Variants in PDE4D observed in about 807,000 individuals in gnomAD.
PDE4D encodes the protein 3',5'-cyclic-AMP phosphodiesterase 4D.
Under a neutral mutation model 87.4 loss-of-function variants are expected in PDE4D, and 24 were observed. That is an observed-to-expected ratio of 0.27 (90% CI 0.20 to 0.39). The LOEUF (loss-of-function observed/expected upper bound fraction) is 0.39, where lower values mean the gene tolerates loss of function less well. PDE4D is among the 10% of genes least tolerant of loss of function. The probability of loss-of-function intolerance (pLI) is 1.00; values close to 1 mark genes in which losing one functional copy is unlikely to be tolerated. For synonymous variants in PDE4D, 384 were observed against 383.2 expected (o/e 1.00, Z -0.02); for missense variants, 714 against 1,041.0 (o/e 0.69, Z 4.32).
chr5:59,235,874 T>TA (rs1272731204), intron 1 of PDE4D, among the ~76,000 whole-genome samples: 15 of 152,296 alleles, frequency 9.8e-5, no homozygotes, highest in Middle Eastern at 6.8e-3. Context: ...TGTTAATACT[T>TA]AGAGGGAGAT....
intron 6 of PDE4D, among the ~76,000 whole-genome samples, chr5:59,006,833 G>A (rs1411445253): frequency 1.3e-5 from 2 of 152,110 alleles, no homozygotes; most frequent in East Asian, 1.9e-4. Context: ...TGTAACAGAG[G>A]TCAAGAGAGA....
chr5:59,014,793 A>C (rs943158274), intron 6 of PDE4D, among the ~76,000 whole-genome samples: 2 of 152,222 alleles, frequency 1.3e-5, no homozygotes, highest in African/African-American at 4.8e-5. Flanking sequence ...ATATGGAACC[A>C]AAAAAGAGCC....
At chr5:60,323,751 T>A (rs1463927948) in intron 1 of PDE4D, among the ~76,000 whole-genome samples, 1 of 151,768 alleles carries the variant, frequency 6.6e-6, no homozygotes, top group Non-Finnish European at 1.5e-5. Flanking sequence ...ATTAGCATGA[T>A]TACCACCCTC....
intron 1 of PDE4D, among the ~76,000 whole-genome samples, chr5:59,603,249 T>A: frequency 6.6e-6 from 1 of 151,952 alleles, no homozygotes; most frequent in South Asian, 2.1e-4. Context: ...TTACAAGCTA[T>A]ACCTCTAATA....
rs148586142 is a variant in PDE4D, at chr5:60,216,414, A to C, written c.-89-30727T>G. 3.5e-3 allele frequency among the ~76,000 whole-genome samples: 526 copies of C among 152,220 alleles called. 1 individual carries two copies. The highest frequency in any genetic ancestry group is 0.012 in the African/African-American group (508 of 41,554). On this transcript the variant is annotated intron_variant, in intron 1 of 16. Coordinates refer to the PDE4D transcript ENST00000502484. The stretch of plus-strand genomic sequence containing the variant: ...TGGTAGTGGCATACCTACTTCTTTG[A>C]GGAAATTGCTTCCTTCTTTATTTCA...
At chr5:59,336,742 C>T (rs1777720517) in intron 1 of PDE4D, among the ~76,000 whole-genome samples, 1 of 152,154 alleles carries the variant, frequency 6.6e-6, no homozygotes. Context: ...ATTAATATAT[C>T]AAAATCTCAT....
intron 2 of PDE4D, among the ~76,000 whole-genome samples, chr5:60,143,285 C>T (rs1780696547): frequency 6.6e-6 from 1 of 152,202 alleles, no homozygotes; most frequent in African/African-American, 2.4e-5. Context: ...TTATGTGCAA[C>T]ATGCTTCACA....
chr5:59,326,564 T>G (rs985183639), intron 1 of PDE4D, among the ~76,000 whole-genome samples: 2 of 152,146 alleles, frequency 1.3e-5, no homozygotes, highest in African/African-American at 2.4e-5. Flanking sequence ...CACTGACTTT[T>G]AAACTTTTAA....
intron 2 of PDE4D, among the ~76,000 whole-genome samples, chr5:59,207,673 T>C (rs1749107059): frequency 6.6e-6 from 1 of 152,084 alleles, no homozygotes. Flanking sequence ...ATAATTGCTC[T>C]TGTTATTAAA....
chr5:60,045,574 T>C (rs1033798629), intron 2 of PDE4D, among the ~76,000 whole-genome samples: 1 of 152,220 alleles, frequency 6.6e-6, no homozygotes, highest in African/African-American at 2.4e-5. Context: ...TTCAGCTTTC[T>C]ACATATGGCT....
intron 1 of PDE4D, among the ~76,000 whole-genome samples, chr5:59,410,021 G>A (rs2607341): frequency 5.3e-5 from 8 of 151,964 alleles, no homozygotes; most frequent in Non-Finnish European, 1.0e-4. Context: ...AATCACATCA[G>A]GATAAATGGA....
intron 1 of PDE4D, among the ~76,000 whole-genome samples, chr5:59,686,357 T>A (rs1022033377): frequency 3.7e-4 from 56 of 152,254 alleles, no homozygotes; most frequent in African/African-American, 1.3e-3. Flanking sequence ...TAAATGAGCT[T>A]AGGGAAGTTC....
intron 1 of PDE4D, among the ~76,000 whole-genome samples, chr5:60,510,253 C>T (rs1352678259): frequency 6.6e-6 from 1 of 152,176 alleles, no homozygotes; most frequent in Non-Finnish European, 1.5e-5. Flanking sequence ...AGAAAGAGAA[C>T]ACAGAAAGGA....
intron 5 of PDE4D, among the ~76,000 whole-genome samples, chr5:59,123,673 C>T (rs892526736): frequency 4.6e-5 from 7 of 152,072 alleles, no homozygotes; most frequent in African/African-American, 7.2e-5. Context: ...TTGCAGACAC[C>T]GTGACATCTA....
intron 1 of PDE4D, among the ~76,000 whole-genome samples, chr5:59,555,835 T>C (rs1463682769): frequency 6.6e-6 from 1 of 152,098 alleles, no homozygotes; most frequent in Non-Finnish European, 1.5e-5. Context: ...TCCTCACTTC[T>C]CCTACAAAAG....
chr5:59,148,757 GT>G (rs1561570943), intron 5 of PDE4D, among the ~76,000 whole-genome samples: 34 of 111,658 alleles, frequency 3.0e-4, no homozygotes, highest in Non-Finnish European at 5.7e-4. Flanking sequence ...ATATAGCGGT[GT>G]GTGTGTGTGT....
Position 58,974,635 on chromosome 5 carries a change from A to G in PDE4D, c.*29T>C, listed in dbSNP as rs1402955673. 2 of 1,512,440 alleles carry G rather than the reference A, an allele frequency of 1.3e-6. No homozygotes were observed. Among genetic ancestry groups the G allele is most frequent in the African/African-American group, 2.8e-5 (2 of 71,384 alleles). The allele number at this position is 1,512,440 out of a possible 1,614,324, so 93.7% of individuals were successfully genotyped here. A position where few individuals can be genotyped will look rare whatever the true frequency, so the allele number is the denominator to read the frequency against. ...TTGGAAACAATTTTTCTACTTAAAA[A>G]AAAAAAAGGCATGAAAGTTTTTGCA... On this transcript the variant is annotated 3_prime_UTR_variant, in exon 15 of 15. Coordinates refer to ENST00000340635, the MANE Select transcript of PDE4D (RefSeq NM_001104631.2).
At chr5:60,348,106 G>A (rs961482056) in intron 1 of PDE4D, among the ~76,000 whole-genome samples, 17 of 148,524 alleles carry the variant, frequency 1.1e-4, no homozygotes, top group African/African-American at 4.2e-4. Context: ...ACTTGTCTCA[G>A]TGAAACAACA....
intron 2 of PDE4D, among the ~76,000 whole-genome samples, chr5:60,011,972 G>T (rs1342719652): frequency 6.6e-6 from 1 of 151,998 alleles, no homozygotes; most frequent in African/African-American, 2.4e-5. Context: ...AGATCTTCAG[G>T]CTACTGACCA....
Sources: allele counts gnomAD v4.1 joint callset (sites outside exome capture counted in the v4.1 genomes callset), GRCh38; gene constraint gnomAD v4.1.1; transcripts MANE v1.5; gene names NCBI Gene and HGNC (gene_info 2026-07-23, HGNC 2026-07-21).